The following SYT16 variants were observed in gnomAD, a reference collection of about 807,000 sequenced individuals.
The protein encoded by SYT16 is synaptotagmin 16.
SYT16 carries 42 observed loss-of-function variants against 61.4 expected under a neutral mutation model. The ratio of observed to expected loss-of-function variants is 0.68; its 90% CI spans 0.53 to 0.89. The LOEUF (loss-of-function observed/expected upper bound fraction) is 0.89. Among genes scored for constraint, SYT16 ranks in the 40% least tolerant of loss-of-function variants. The pLI is 0.00. For missense variants in SYT16, 804 were observed against 807.3 expected, an observed-to-expected ratio of 1.00 and a Z score of 0.05; for synonymous variants, 314 against 302.3, an observed-to-expected ratio of 1.04 and a Z score of -0.40.
At chr14:62,047,072 C>G (rs1396154511) in intron 3 of SYT16, among the ~76,000 whole-genome samples, 1 of 152,168 alleles carries the variant, frequency 6.6e-6, no homozygotes. Context: ...AATATTGATT[C>G]TTCCTACCCA....
chr14:61,881,174 C>G (rs573193146), intron 1 of SYT16, among the ~76,000 whole-genome samples: 1 of 152,280 alleles, frequency 6.6e-6, no homozygotes, highest in South Asian at 2.1e-4. Flanking sequence ...TTAACATAAT[C>G]ACTTTCTCCC....
At chr14:61,885,299 G>C (rs1233419044) in intron 1 of SYT16, among the ~76,000 whole-genome samples, 1 of 152,126 alleles carries the variant, frequency 6.6e-6, no homozygotes, top group East Asian at 1.9e-4. Flanking sequence ...TAAAAAGGGA[G>C]AGAGGGTAGA....
chr14:61,936,367 G>T (rs760106267), intron 1 of SYT16, among the ~76,000 whole-genome samples: 7 of 152,024 alleles, frequency 4.6e-5, no homozygotes, highest in Non-Finnish European at 1.0e-4. Flanking sequence ...TGAAAAAGTT[G>T]ATACTAGATC....
chr14:61,865,340 C>G (rs1246913004), intron 1 of SYT16: 2 of 686,840 alleles, frequency 2.9e-6, no homozygotes, highest in East Asian at 3.1e-5. Context: ...TTAGGAGAAG[C>G]AGTCCGGAAA....
intron 1 of SYT16, among the ~76,000 whole-genome samples, chr14:61,838,720 G>A (rs191362908): frequency 6.6e-6 from 1 of 152,188 alleles, no homozygotes; most frequent in South Asian, 2.1e-4. Flanking sequence ...TAAAAATGGA[G>A]TGTGACTCTT....
intron 7 of SYT16, among the ~76,000 whole-genome samples, chr14:62,095,757 T>A (rs760410515): frequency 7.9e-5 from 12 of 152,162 alleles, no homozygotes; most frequent in Non-Finnish European, 1.6e-4. Context: ...GTTTGTTTTT[T>A]TATCTTGTTT....
chr14:61,945,491 C>T (rs1297948491), intron 1 of SYT16, among the ~76,000 whole-genome samples: 1 of 152,064 alleles, frequency 6.6e-6, no homozygotes, highest in Non-Finnish European at 1.5e-5. Context: ...AACTCAAATG[C>T]CCATCAATGA....
intron 1 of SYT16, among the ~76,000 whole-genome samples, chr14:61,870,063 C>T (rs2047282053): frequency 6.6e-6 from 1 of 152,166 alleles, no homozygotes; most frequent in Non-Finnish European, 1.5e-5. Context: ...CACTCTTTTA[C>T]CATTTCTGAT....
chr14:61,942,491 A>G (rs1334896061), intron 1 of SYT16, among the ~76,000 whole-genome samples: 2 of 152,220 alleles, frequency 1.3e-5, no homozygotes, highest in Non-Finnish European at 2.9e-5. Flanking sequence ...TTAAATAATG[A>G]AAGTTTAGCT....
At chr14:61,847,338 GTCTTT>G (rs2046474540) in intron 1 of SYT16, among the ~76,000 whole-genome samples, 1 of 152,114 alleles carries the variant, frequency 6.6e-6, no homozygotes, top group African/African-American at 2.4e-5. Flanking sequence ...TATGGTAAAA[GTCTTT>G]TTTTCCCCAG....
chr14:61,828,908 G>A (rs544681154), intron 1 of SYT16, among the ~76,000 whole-genome samples: 1 of 152,190 alleles, frequency 6.6e-6, no homozygotes, highest in East Asian at 1.9e-4. Flanking sequence ...GCACAATCAT[G>A]GAAATGTTAG....
At chr14:62,076,270 G>A (rs61528882) in intron 5 of SYT16, among the ~76,000 whole-genome samples, 6,413 of 152,112 alleles carry the variant, frequency 0.042, 412 homozygotes, top group African/African-American at 0.14. Context: ...TACCTAATTT[G>A]AAATTAATTT....
rs12886461 is a variant in SYT16, at chr14:61,816,650, C to T, written c.-325+3840C>T. ...AATTATTTACATTGTTAAAGAATTT[C>T]CCCCAGGACAACCCATTTCTTTAGG... is the stretch of plus-strand genomic sequence containing the variant. On this transcript the variant is annotated intron_variant, in intron 1 of 7. Coordinates refer to ENST00000683842, the MANE Select transcript of SYT16 (RefSeq NM_001367656.1). Among the ~76,000 whole-genome samples, 612 of 152,182 alleles carry T rather than the reference C, an allele frequency of 4.0e-3. 2 individuals are homozygous for T. The highest frequency in any genetic ancestry group is 6.6e-3 in the Non-Finnish European group (448 of 68,004).
chr14:61,944,072 A>G (rs568873185), intron 1 of SYT16, among the ~76,000 whole-genome samples: 2 of 152,332 alleles, frequency 1.3e-5, no homozygotes, highest in East Asian at 3.9e-4. Flanking sequence ...AATCACAAGC[A>G]TTCCTTTATA....
At chr14:62,016,625 A>G (rs2053694798) in intron 3 of SYT16, among the ~76,000 whole-genome samples, 1 of 151,902 alleles carries the variant, frequency 6.6e-6, no homozygotes, top group Non-Finnish European at 1.5e-5. Flanking sequence ...AGGCAGGAGA[A>G]TGGCATGAAC....
chr14:61,995,849 T>C (rs2052744973), intron 2 of SYT16, 27 bp from the exon 3 acceptor site: 2 of 628,436 alleles, frequency 3.2e-6, no homozygotes, highest in African/African-American at 3.7e-5. Context: ...CTTTAACAGG[T>C]GTAAGTATTT....
chr14:62,088,509 T>C (rs1312750946), intron 7 of SYT16, among the ~76,000 whole-genome samples: 2 of 152,238 alleles, frequency 1.3e-5, no homozygotes, highest in Non-Finnish European at 1.5e-5. Flanking sequence ...TGTTATTCTT[T>C]AAAATTTTTT....
intron 3 of SYT16, among the ~76,000 whole-genome samples, chr14:62,022,480 A>G (rs2053948234): frequency 6.6e-6 from 1 of 151,998 alleles, no homozygotes; most frequent in African/African-American, 2.4e-5. Flanking sequence ...TTTTACCATG[A>G]TGTATTTAGG....
chr14:61,971,058 A>C (rs1455990663), intron 2 of SYT16, among the ~76,000 whole-genome samples: 2 of 152,050 alleles, frequency 1.3e-5, no homozygotes, highest in East Asian at 1.9e-4. Flanking sequence ...GGTCTTGAGG[A>C]GAGTACCCTC....
Sources: gnomAD v4.1 joint callset for allele counts (sites outside exome capture counted in the v4.1 genomes callset) on GRCh38, gnomAD v4.1.1 for gene constraint, MANE v1.5 for transcripts, NCBI Gene and HGNC (gene_info 2026-07-23, HGNC 2026-07-21) for gene names.